The following ENPP6 variants were observed in gnomAD, a reference collection of about 807,000 sequenced individuals.
ENPP6 encodes the protein glycerophosphocholine cholinephosphodiesterase ENPP6.
ENPP6 carries 32 observed loss-of-function variants against 42.0 expected under a neutral mutation model. That is an observed-to-expected ratio of 0.76 (90% confidence interval 0.58 to 1.02). The LOEUF (loss-of-function observed/expected upper bound fraction) is 1.02. ENPP6 is among the 50% of genes least tolerant of loss of function. The pLI is 0.00. For synonymous variants in ENPP6, 213 were observed against 216.0 expected (o/e 0.99, Z 0.12); for missense variants, 552 against 566.8 (o/e 0.97, Z 0.27).
chr4:184,137,953 A>G lies in ENPP6; in HGVS notation c.422-13681T>C, dbSNP rs1055642497. ...TCACATGCACACATGCATGCAGGCC[A>G]GCAGCTTTTCTAGTTGTTCCTGGAG... On this transcript the variant is annotated intron_variant, in intron 2 of 7. Coordinates refer to ENST00000296741, the MANE Select transcript of ENPP6 (RefSeq NM_153343.4). Among the ~76,000 whole-genome samples, 10 of 152,354 alleles carry G rather than the reference A, an allele frequency of 6.6e-5. No homozygotes were observed. In the East Asian group the frequency reaches 1.7e-3, roughly 26 times the overall value.
In ENPP6 at chr4:184,184,870, C is replaced by T. The variant is rs971780953; in HGVS notation, c.242-31137G>A. On this transcript the variant is annotated intron_variant, in intron 1 of 7. Coordinates refer to ENST00000296741, the MANE Select transcript of ENPP6 (RefSeq NM_153343.4). The surrounding 1 kb of genome is among the most constrained non-coding windows in gnomAD (Gnocchi z 4.7). ...GCCTCGAGAACCATGGCAGTCGATT[C>T]CTGTTGTCTGAGCCACCCAGCGTGT... Among the ~76,000 whole-genome samples, 1 of 151,766 alleles carries T rather than the reference C, an allele frequency of 6.6e-6. No individual in the cohort carries two copies. Among genetic ancestry groups the T allele is most frequent in the African/African-American group, 2.4e-5 (1 of 41,298 alleles).
At chr4:184,115,937 C>G (rs976836829) in intron 5 of ENPP6, among the ~76,000 whole-genome samples, 1 of 152,080 alleles carries the variant, frequency 6.6e-6, no homozygotes, top group African/African-American at 2.4e-5. Flanking sequence ...AGCCCTAGGC[C>G]GGGCACGGTG....
chr4:184,091,555 CT>C (rs1735801536), intron 7 of ENPP6, among the ~76,000 whole-genome samples, 173 bp from the exon 8 acceptor site: 2 of 151,984 alleles, frequency 1.3e-5, no homozygotes, highest in African/African-American at 4.8e-5. Flanking sequence ...ATCCGGAAGG[CT>C]GTAGGTTAGA....
At chr4:184,106,666 C>T (rs1429275160) in intron 6 of ENPP6, among the ~76,000 whole-genome samples, 1 of 152,160 alleles carries the variant, frequency 6.6e-6, no homozygotes, top group Non-Finnish European at 1.5e-5. Flanking sequence ...CCCCAGTACC[C>T]TCTTTCATGG....
intron 1 of ENPP6, 122 bp from the exon 2 acceptor site, chr4:184,153,855 G>A: frequency 8.8e-7 from 1 of 1,130,288 alleles, no homozygotes. Context: ...ATAAAGATTT[G>A]CTTTTGACTT....
chr4:184,135,714 T>C (rs1560988969), intron 2 of ENPP6, among the ~76,000 whole-genome samples: 1 of 151,868 alleles, frequency 6.6e-6, no homozygotes, highest in Non-Finnish European at 1.5e-5. Flanking sequence ...TACTGTTCAG[T>C]GAATTGTTAA....
chr4:184,107,710 T>C (rs1444133521), intron 6 of ENPP6, among the ~76,000 whole-genome samples: 1 of 152,106 alleles, frequency 6.6e-6, no homozygotes, highest in Non-Finnish European at 1.5e-5. Flanking sequence ...GGTCAGGAGA[T>C]CGAGAACATC....
intron 1 of ENPP6, among the ~76,000 whole-genome samples, chr4:184,201,321 C>G (rs1189180510): frequency 6.6e-6 from 1 of 152,100 alleles, no homozygotes; most frequent in Admixed American, 6.5e-5. Context: ...TCATGCTGAG[C>G]AGGAACTGGA....
At chr4:184,180,996 G>T (rs1732543370) in intron 1 of ENPP6, among the ~76,000 whole-genome samples, 1 of 152,184 alleles carries the variant, frequency 6.6e-6, no homozygotes, top group Non-Finnish European at 1.5e-5. Flanking sequence ...CATAGTATTG[G>T]AAGTTCTGGC....
chr4:184,187,640 A>G (rs969479497), intron 1 of ENPP6, among the ~76,000 whole-genome samples: 1 of 152,238 alleles, frequency 6.6e-6, no homozygotes, highest in Admixed American at 6.5e-5. Context: ...CACCCTAGGT[A>G]AAATGGCACT....
In ENPP6 at chr4:184,112,752, G is replaced by T; in HGVS notation, c.913C>A (p.Pro305Thr). ...CCTTTCTTGTAATAGAACCTGCTTG[G>T]GATGGCTTCTTTCTCGTAGACAGTC... ...HMTVYEKEAI[P>T]SRFYYKKGKF... Residue 305 changes from proline (P) to threonine (T), a missense_variant, in exon 6 of 8, where the codon CCA becomes ACA. This residue lies in a region of ENPP6 where 545 missense variants were observed against 546.3 expected (regional missense o/e 1.00). Transcript: ENST00000296741. 1.9e-6 allele frequency: 3 copies of T among 1,614,036 alleles called. No individual in the cohort carries two copies. Among genetic ancestry groups the T allele is most frequent in the Non-Finnish European group, 2.5e-6 (3 of 1,180,020 alleles).
intron 1 of ENPP6, among the ~76,000 whole-genome samples, chr4:184,160,785 C>A (rs1737246169): frequency 6.6e-6 from 1 of 152,164 alleles, no homozygotes; most frequent in African/African-American, 2.4e-5. Context: ...ATGCACATAA[C>A]TGCAGGCATC....
chr4:184,107,448 C>A (rs893217143), intron 6 of ENPP6, among the ~76,000 whole-genome samples: 2 of 152,176 alleles, frequency 1.3e-5, no homozygotes, highest in Non-Finnish European at 2.9e-5. Context: ...TTAAAGAGTG[C>A]AGGGGCAGAG....
At chr4:184,132,834 C>CAT (rs61030947) in intron 2 of ENPP6, among the ~76,000 whole-genome samples, 14 of 80,896 alleles carry the variant, frequency 1.7e-4, no homozygotes, top group African/African-American at 6.2e-4. Flanking sequence ...CACACACACA[C>CAT]ATATATATAT....
rs952969329 is a variant in ENPP6 at position 184,090,999 on chromosome 4, T to C, written c.*178A>G. The C allele has an allele frequency of 1.6e-5, 9 of 560,226 alleles. 1 individual carries two copies. The highest frequency in any genetic ancestry group is 2.5e-5 in the Non-Finnish European group (9 of 359,608). The allele number at this position is 560,226 out of a possible 1,614,324, so 34.7% of individuals were successfully genotyped here. A position where few individuals can be genotyped will look rare whatever the true frequency, so the allele number is the denominator to read the frequency against. Reference sequence around the variant, plus strand: ...ACCTTCTGGAAAAACAAGGTTTGTATCTTTTTTAACAAGTAGGAACTTTTA... The same window carrying C: ...ACCTTCTGGAAAAACAAGGTTTGTACCTTTTTTAACAAGTAGGAACTTTTA... On this transcript the variant is annotated 3_prime_UTR_variant, in exon 8 of 8. Transcript: ENST00000296741.
chr4:184,166,255 C>A lies in ENPP6; in HGVS notation c.242-12522G>T, dbSNP rs184718456. On this transcript the variant is annotated intron_variant, in intron 1 of 7. Coordinates refer to ENST00000296741, the MANE Select transcript of ENPP6 (RefSeq NM_153343.4). ...ACAGTCATCGTTAGATTCTGAGACA[C>A]AAATATTGTAAGGCTGAGATAATGG... Among the ~76,000 whole-genome samples the A allele has an allele frequency of 1.8e-3, 278 of 152,234 alleles. 1 individual carries two copies. Among genetic ancestry groups the A allele is most frequent in the African/African-American group, 6.3e-3 (261 of 41,540 alleles).
chr4:184,166,881 C>T (rs777828054), intron 1 of ENPP6, among the ~76,000 whole-genome samples: 6 of 152,240 alleles, frequency 3.9e-5, no homozygotes, highest in Admixed American at 6.5e-5. Context: ...AGGTTGGCTG[C>T]GTTCCTCACA....
At chr4:184,147,301 G>T (rs996869905) in intron 2 of ENPP6, among the ~76,000 whole-genome samples, 2 of 152,178 alleles carry the variant, frequency 1.3e-5, no homozygotes, top group African/African-American at 2.4e-5. Flanking sequence ...CAGTCTGAGC[G>T]ATGCTCACCT....
intron 1 of ENPP6, among the ~76,000 whole-genome samples, chr4:184,186,050 AG>A (rs1398408771): frequency 6.6e-6 from 1 of 152,248 alleles, no homozygotes; most frequent in African/African-American, 2.4e-5. Flanking sequence ...CAGAAACAAA[AG>A]AGAAACCTAT....
Sources: gnomAD v4.1 joint callset for allele counts (sites outside exome capture counted in the v4.1 genomes callset) on GRCh38, gnomAD v4.1.1 for gene constraint, gnomAD v4.1.1 regional missense constraint, Gnocchi (gnomAD v3.1) non-coding constraint, MANE v1.5 for transcripts, NCBI Gene and HGNC (gene_info 2026-07-23, HGNC 2026-07-21) for gene names.